FBXL7: variants seen among roughly 807,000 people sequenced by gnomAD.
The protein encoded by FBXL7 is F-box/LRR-repeat protein 7.
FBXL7 carries 12 observed loss-of-function variants against 38.3 expected under a neutral mutation model. The observed-to-expected ratio is 0.31, with a 90% confidence interval of 0.20 to 0.51. FBXL7 has a LOEUF of 0.51. Among genes scored for constraint, FBXL7 ranks in the 20% least tolerant of loss-of-function variants. FBXL7 has a pLI of 0.98. For synonymous variants in FBXL7, 297 were observed against 300.9 expected (o/e 0.99, Z 0.13); for missense variants, 567 against 676.4 (o/e 0.84, Z 1.79).
chr5:15,623,824 A>G (rs1394709006), intron 2 of FBXL7, among the ~76,000 whole-genome samples: 2 of 152,108 alleles, frequency 1.3e-5, no homozygotes, highest in African/African-American at 4.8e-5. Context: ...TCACCATTAC[A>G]CTTCTCTTGA....
At chr5:15,529,621 C>T (rs958629143) in intron 1 of FBXL7, among the ~76,000 whole-genome samples, 17 of 152,134 alleles carry the variant, frequency 1.1e-4, no homozygotes, top group Non-Finnish European at 7.4e-5. Context: ...ATCTCCTGAC[C>T]TCGTGATCCA....
chr5:15,652,323 G>A (rs1580435230), intron 2 of FBXL7, among the ~76,000 whole-genome samples: 1 of 152,140 alleles, frequency 6.6e-6, no homozygotes, highest in Non-Finnish European at 1.5e-5. Flanking sequence ...CTGGAGTGCA[G>A]TGGCGTGATC....
intron 2 of FBXL7, among the ~76,000 whole-genome samples, chr5:15,917,644 G>GGAAAGGAAGGAAGGAAGGAAGGAA (rs1554034053): frequency 4.8e-4 from 44 of 91,020 alleles, no homozygotes; most frequent in African/African-American, 1.8e-3. Flanking sequence ...AAGGAAGGGA[G>GGAAAGGAAGGAAGGAAGGAAGGAA]GGAAGGAAGG....
chr5:15,611,983 A>C (rs760176350), intron 1 of FBXL7, among the ~76,000 whole-genome samples: 12 of 152,124 alleles, frequency 7.9e-5, no homozygotes, highest in Non-Finnish European at 1.3e-4. Context: ...ACCATTTCAA[A>C]AAAAAAAGAA....
At chr5:15,855,181 C>G (rs1200728852) in intron 2 of FBXL7, among the ~76,000 whole-genome samples, 1 of 152,018 alleles carries the variant, frequency 6.6e-6, no homozygotes, top group Non-Finnish European at 1.5e-5. Context: ...TTGTATAACT[C>G]TACATATTTT....
At position 15,930,170 on chromosome 5, in the gene FBXL7, G is replaced by A. The variant is rs904661925; in HGVS notation, c.739+1669G>A. ...TTAGTCATGAGTAGCCAGTGGCATC[G>A]AGAAGCAGGAAACCAGGAGGTTTTC... On this transcript the variant is annotated intron_variant, in intron 3 of 3. Transcript: ENST00000504595. Among the ~76,000 whole-genome samples, 6 of 152,148 alleles carry A rather than the reference G, an allele frequency of 3.9e-5. No individual in the cohort carries two copies. In the East Asian group the frequency reaches 7.7e-4, roughly 20 times the overall value.
At chr5:15,618,625 T>C (rs1740527910) in intron 2 of FBXL7, among the ~76,000 whole-genome samples, 1 of 152,100 alleles carries the variant, frequency 6.6e-6, no homozygotes, top group African/African-American at 2.4e-5. Context: ...GGATAAGTGA[T>C]TAGGGAAGTA....
At chr5:15,862,131 TC>T (rs1324908773) in intron 2 of FBXL7, among the ~76,000 whole-genome samples, 1 of 152,136 alleles carries the variant, frequency 6.6e-6, no homozygotes, top group Non-Finnish European at 1.5e-5. Flanking sequence ...GAATTGTAGC[TC>T]CCATAATTCT....
At chr5:15,819,160 C>T (rs10050940) in intron 2 of FBXL7, among the ~76,000 whole-genome samples, 37,485 of 152,052 alleles carry the variant, frequency 0.25, 5,153 homozygotes, top group Admixed American at 0.36. Context: ...CGCAGCTACT[C>T]CATCAGCTCT....
At chr5:15,710,840 TTC>T (rs1176270709) in intron 2 of FBXL7, among the ~76,000 whole-genome samples, 2 of 152,142 alleles carry the variant, frequency 1.3e-5, no homozygotes, top group Non-Finnish European at 2.9e-5. Context: ...TCTGTTGAGC[TTC>T]TCTCTCTCTA....
At chr5:15,736,446 T>C (rs1292777147) in intron 2 of FBXL7, among the ~76,000 whole-genome samples, 2 of 152,234 alleles carry the variant, frequency 1.3e-5, no homozygotes, top group African/African-American at 4.8e-5. Context: ...AATATTACAA[T>C]ATTGTTTATA....
chr5:15,717,868 A>G (rs1245566540), intron 2 of FBXL7, among the ~76,000 whole-genome samples: 1 of 152,214 alleles, frequency 6.6e-6, no homozygotes, highest in African/African-American at 2.4e-5. Context: ...GATTCTGGAT[A>G]TAAATATAAA....
intron 2 of FBXL7, among the ~76,000 whole-genome samples, chr5:15,819,810 T>C (rs1272177239): frequency 6.6e-6 from 1 of 152,152 alleles, no homozygotes; most frequent in African/African-American, 2.4e-5. Flanking sequence ...TGAGTTCTAA[T>C]GCCGGAAAGG....
chr5:15,868,580 T>A (rs1008121070), intron 2 of FBXL7, among the ~76,000 whole-genome samples: 3 of 152,178 alleles, frequency 2.0e-5, no homozygotes, highest in African/African-American at 7.2e-5. Context: ...ATCCAGAACC[T>A]GTCGCTTAGG....
In FBXL7 at chr5:15,615,848, TAATA is replaced by T. The variant is rs1740430177; in HGVS notation, c.38-132_38-129del. On this transcript the variant is annotated intron_variant, in intron 1 of 3. Transcript: ENST00000504595. ...TTAATGCATAAGGCAAAAAAAAACT[TAATA>T]AACTCCATTCTTTGTATTATAGCTG... is the stretch of plus-strand genomic sequence containing the variant. The T allele has an allele frequency of 8.2e-5, 44 of 534,886 alleles. No individual in the cohort carries two copies. In the East Asian group the frequency reaches 1.2e-3, roughly 15 times the overall value. The allele number at this position is 534,886 out of a possible 1,614,324, so 33.1% of individuals were successfully genotyped here. A position where few individuals can be genotyped will look rare whatever the true frequency, so the allele number is the denominator to read the frequency against.
intron 2 of FBXL7, among the ~76,000 whole-genome samples, chr5:15,702,744 G>A (rs958431346): frequency 4.6e-5 from 7 of 152,006 alleles, no homozygotes; most frequent in Admixed American, 1.3e-4. Flanking sequence ...TCTTTCATGC[G>A]CGTCCATGTG....
intron 2 of FBXL7, among the ~76,000 whole-genome samples, chr5:15,675,081 A>C (rs1742607803): frequency 6.6e-6 from 1 of 152,232 alleles, no homozygotes; most frequent in Non-Finnish European, 1.5e-5. Flanking sequence ...AAACTAAATC[A>C]GCAATCAGAT....
intron 2 of FBXL7, among the ~76,000 whole-genome samples, chr5:15,690,568 TG>T (rs752440390): frequency 5.9e-5 from 9 of 152,240 alleles, no homozygotes; most frequent in Non-Finnish European, 1.2e-4. Flanking sequence ...TTGTAGCTAT[TG>T]TGAAATATAC....
intron 2 of FBXL7, among the ~76,000 whole-genome samples, chr5:15,656,002 TG>T (rs1443251096): frequency 1.3e-5 from 2 of 152,228 alleles, no homozygotes; most frequent in African/African-American, 4.8e-5. Context: ...GAATTATTTT[TG>T]TGTGCTGCCG....
Sources: allele counts gnomAD v4.1 joint callset (sites outside exome capture counted in the v4.1 genomes callset), GRCh38; gene constraint gnomAD v4.1.1; transcripts MANE v1.5; gene names NCBI Gene and HGNC (gene_info 2026-07-23, HGNC 2026-07-21).